DEPDC5: variants seen among roughly 807,000 people sequenced by gnomAD.
DEPDC5 encodes GATOR1 complex protein DEPDC5.
DEPDC5 carries 73 observed loss-of-function variants against 217.3 expected under a neutral mutation model. That is an observed-to-expected ratio of 0.34 (90% CI 0.28 to 0.41). The LOEUF (loss-of-function observed/expected upper bound fraction) is 0.41, where lower values mean the gene tolerates loss of function less well. DEPDC5 is among the 10% of genes least tolerant of loss of function. The pLI is 1.00. For missense variants in DEPDC5, 1,675 were observed against 2,070.1 expected (o/e 0.81, Z 3.70); for synonymous variants, 733 against 756.7 (o/e 0.97, Z 0.51).
chr22:31,761,503 A>G (rs2082382979), intron 4 of DEPDC5, among the ~76,000 whole-genome samples: 1 of 151,660 alleles, frequency 6.6e-6, no homozygotes, highest in Non-Finnish European at 1.5e-5. Context: ...TTATCAAACT[A>G]TGTTGCCACT....
intron 7 of DEPDC5, among the ~76,000 whole-genome samples, chr22:31,771,807 G>A (rs1402724514): frequency 6.9e-6 from 1 of 144,528 alleles, no homozygotes; most frequent in Non-Finnish European, 1.5e-5. Context: ...AGTGGCTCAT[G>A]CCTCTAATCC....
chr22:31,776,407 C>T (rs140840212), intron 7 of DEPDC5, among the ~76,000 whole-genome samples: 10 of 152,024 alleles, frequency 6.6e-5, no homozygotes, highest in East Asian at 1.9e-4. Flanking sequence ...TCACCGTGCC[C>T]GGCCCATTGT....
At chr22:31,858,471 T>C (rs2092386842) in intron 32 of DEPDC5, 1 of 152,178 alleles carries the variant, frequency 6.6e-6, no homozygotes, top group African/African-American at 2.4e-5. Flanking sequence ...TACCTCTCTC[T>C]TGTCCCTATC....
At chr22:31,813,066 G>A (rs749412672) in intron 20 of DEPDC5, among the ~76,000 whole-genome samples, 3 of 152,128 alleles carry the variant, frequency 2.0e-5, no homozygotes, top group East Asian at 1.9e-4. Context: ...AGCTTTAAGC[G>A]CAACTGAGTG....
chr22:31,848,675 T>C (rs2091875749), intron 31 of DEPDC5, among the ~76,000 whole-genome samples: 1 of 152,218 alleles, frequency 6.6e-6, no homozygotes, highest in Non-Finnish European at 1.5e-5. Context: ...TGACATGCCC[T>C]GGAGACATTT....
rs368788343 is a variant in DEPDC5 at position 31,843,193 on chromosome 22, G to A, written c.2614G>A (p.Val872Met). The A allele has an allele frequency of 6.2e-7, 1 of 1,613,954 alleles. No individual in the cohort carries two copies. Among genetic ancestry groups the A allele is most frequent in the Non-Finnish European group, 8.5e-7 (1 of 1,180,006 alleles). The change falls in exon 28 of 43, where the codon GTG becomes ATG. Residue 872 changes from valine (V) to methionine (M), a missense_variant. By Grantham distance (21) the Val-to-Met change is conservative. Coordinates refer to ENST00000651528, the MANE Select transcript of DEPDC5 (RefSeq NM_001242896.3). ...KVTLKDKMIT[V>M]TRYLPKYPYE... ...GACGCTGAAGGATAAGATGATCACA[G>A]TGACGCGATACCTTCCCAAGTGAGT...
rs963643958 is a variant in DEPDC5, at chr22:31,906,807, G to A, written c.*310G>A. 1.5e-5 allele frequency: 7 copies of A among 467,558 alleles called. No individual in the cohort carries two copies. The highest frequency in any genetic ancestry group is 5.8e-5 in the African/African-American group (3 of 51,630). The allele number at this position is 467,558 out of a possible 1,614,324, so 29.0% of individuals were successfully genotyped here. On this transcript the variant is annotated 3_prime_UTR_variant, in exon 43 of 43. Transcript: ENST00000651528. The surrounding 1 kb of genome is among the most constrained non-coding windows in gnomAD (Gnocchi z 5.1). ...TCCAGTGTCTGGGAAGAGGGCAGGC[G>A]GCCCCCATGAATGTCCTCGGAAGGG...
At chr22:31,761,392 CTGTT>C (rs952309739) in intron 4 of DEPDC5, among the ~76,000 whole-genome samples, 2 of 152,064 alleles carry the variant, frequency 1.3e-5, no homozygotes, top group African/African-American at 4.8e-5. Flanking sequence ...ATTTGGTTTT[CTGTT>C]TGTGAGTTAG....
At chr22:31,897,703 C>A in intron 40 of DEPDC5, 50 bp downstream of exon 40, 9 of 1,593,536 alleles carry the variant, frequency 5.6e-6, no homozygotes, top group Non-Finnish European at 7.7e-6. Context: ...AGACCCCGTC[C>A]CTAACAAGGA....
At chr22:31,868,674 G>T (rs190204483) in intron 33 of DEPDC5, among the ~76,000 whole-genome samples, 181 of 152,240 alleles carry the variant, frequency 1.2e-3, no homozygotes, top group Non-Finnish European at 2.2e-3. Context: ...TGATCCACTC[G>T]CCTTCGCCTC....
chr22:31,800,238 C>G (rs146149891), intron 14 of DEPDC5, among the ~76,000 whole-genome samples: 39 of 152,246 alleles, frequency 2.6e-4, no homozygotes, highest in African/African-American at 8.9e-4. Flanking sequence ...CACCCTGTGA[C>G]TAAGAATGTC....
chr22:31,829,360 C>T (rs1177151414), intron 24 of DEPDC5, among the ~76,000 whole-genome samples: 7 of 152,204 alleles, frequency 4.6e-5, no homozygotes, highest in African/African-American at 1.4e-4. Context: ...GTTGAAACCC[C>T]GCCTCTACTG....
chr22:31,761,740 G>A (rs1346890599), intron 4 of DEPDC5, among the ~76,000 whole-genome samples: 1 of 151,628 alleles, frequency 6.6e-6, no homozygotes, highest in Non-Finnish European at 1.5e-5. Context: ...GGCTGAGGCA[G>A]GCGGATTGCC....
intron 20 of DEPDC5, 55 bp downstream of exon 20, chr22:31,810,696 A>G: frequency 1.2e-6 from 2 of 1,609,772 alleles, no homozygotes; most frequent in Non-Finnish European, 1.7e-6. Context: ...GGAAAACCTG[A>G]AGTTCAGTAG....
chr22:31,876,963 G>A (rs186964611), intron 37 of DEPDC5, among the ~76,000 whole-genome samples: 1 of 152,090 alleles, frequency 6.6e-6, no homozygotes, highest in East Asian at 1.9e-4. Flanking sequence ...GACCAACATT[G>A]GGAAACCCTG....
At position 31,834,034 on chromosome 22, in the gene DEPDC5, C is replaced by T. The variant is rs372180732; in HGVS notation, c.2170+54C>T. 2.7e-5 allele frequency: 42 copies of T among 1,566,988 alleles called. 1 individual carries two copies. The African/African-American group carries it at 5.3e-4, about 20-fold the overall frequency. ...GGGTAGACAGGGAGTGTGGGGTGGT[C>T]AGAGCATGAGGAAACAAGAGGAAGC... On this transcript the variant is annotated intron_variant, in intron 25 of 42. Coordinates refer to ENST00000651528, the MANE Select transcript of DEPDC5 (RefSeq NM_001242896.3).
chr22:31,841,359 G>T (rs903094404), intron 27 of DEPDC5, among the ~76,000 whole-genome samples: 1 of 152,246 alleles, frequency 6.6e-6, no homozygotes, highest in Non-Finnish European at 1.5e-5. Flanking sequence ...GACTGTCTCA[G>T]AGCTGAATGA....
Position 31,827,372 on chromosome 22 carries a change from A to G in DEPDC5, c.2104+4582A>G, listed in dbSNP as rs533417141. Among the ~76,000 whole-genome samples, 8 of 152,356 alleles carry G rather than the reference A, an allele frequency of 5.3e-5. No homozygotes were observed. In the South Asian group the frequency reaches 1.7e-3, roughly 32 times the overall value. On this transcript the variant is annotated intron_variant, in intron 24 of 42. Transcript: ENST00000651528. ...TATCGGACATTAATTTGTTATAACCATATGCAAAACCAATTAATGTCAGAT... is the reference window on the plus strand; with the variant it reads ...TATCGGACATTAATTTGTTATAACCGTATGCAAAACCAATTAATGTCAGAT...
intron 18 of DEPDC5, 73 bp from the exon 19 acceptor site, chr22:31,809,536 CAT>C (rs1163296273): frequency 3.0e-5 from 46 of 1,530,266 alleles, no homozygotes; most frequent in Non-Finnish European, 4.1e-5. Context: ...GGGAGCAGCA[CAT>C]ATATACTGTG....
Sources: allele counts gnomAD v4.1 joint callset (sites outside exome capture counted in the v4.1 genomes callset), GRCh38; gene constraint gnomAD v4.1.1; non-coding constraint Gnocchi (gnomAD v3.1); transcripts MANE v1.5; gene names NCBI Gene and HGNC (gene_info 2026-07-23, HGNC 2026-07-21).